PCSK6: variants seen among roughly 807,000 people sequenced by gnomAD.
PCSK6 encodes the protein paired basic amino acid cleaving enzyme 4.
A neutral mutation model predicts 123.3 loss-of-function variants in PCSK6; 85 were observed. The observed-to-expected ratio is 0.69, with a 90% CI of 0.58 to 0.83. The LOEUF is 0.83. Ranked by LOEUF, PCSK6 falls within the 40% of genes least tolerant of loss-of-function variation. The probability of loss-of-function intolerance (pLI) is 0.00; values close to 1 mark genes in which losing one functional copy is unlikely to be tolerated. For missense variants in PCSK6, 1,191 were observed against 1,282.3 expected (o/e 0.93, Z 1.09); for synonymous variants, 508 against 516.0 (o/e 0.98, Z 0.21).
At chr15:101,370,836 A>T (rs2041563413) in intron 11 of PCSK6, among the ~76,000 whole-genome samples, 1 of 152,234 alleles carries the variant, frequency 6.6e-6, no homozygotes, top group South Asian at 2.1e-4. Context: ...CCACCGCTCC[A>T]ACTTGCCTAC....
chr15:101,404,819 G>A (rs917763844), intron 6 of PCSK6, among the ~76,000 whole-genome samples: 1 of 152,128 alleles, frequency 6.6e-6, no homozygotes, highest in Non-Finnish European at 1.5e-5. Flanking sequence ...GGCCACCCGG[G>A]GGTCAAGACC....
At chr15:101,478,676 C>T (rs140646606) in intron 1 of PCSK6, among the ~76,000 whole-genome samples, 1 of 152,194 alleles carries the variant, frequency 6.6e-6, no homozygotes, top group Non-Finnish European at 1.5e-5. Context: ...GGAGTAGCCA[C>T]GTGGCACAGA....
intron 19 of PCSK6, 82 bp from the exon 20 acceptor site, chr15:101,313,587 G>T: frequency 6.6e-7 from 1 of 1,518,100 alleles, no homozygotes; most frequent in South Asian, 1.3e-5. Context: ...GGCCTTGTGA[G>T]ATCAGGGGTA....
In PCSK6 at chr15:101,403,264, A is replaced by C. The variant is rs375361514; in HGVS notation, c.824-4688T>G. Among the ~76,000 whole-genome samples the C allele has an allele frequency of 2.2e-3, 230 of 106,406 alleles. 1 individual carries two copies. The highest frequency in any genetic ancestry group is 6.8e-3 in the Middle Eastern group (1 of 148). 69.8% of individuals were successfully genotyped at this position (106,406 alleles called of 152,430 possible). Reference sequence around the variant, plus strand: ...GGAAGGGGAACATCACACTCTGGGGACTGTTGTGGGGTGGGGGGAGGGGGG... The same window carrying C: ...GGAAGGGGAACATCACACTCTGGGGCCTGTTGTGGGGTGGGGGGAGGGGGG... On this transcript the variant is annotated intron_variant, in intron 6 of 21. Transcript: ENST00000611716.
intron 6 of PCSK6, among the ~76,000 whole-genome samples, chr15:101,412,183 G>C (rs1413578029): frequency 6.6e-6 from 1 of 152,214 alleles, no homozygotes; most frequent in Non-Finnish European, 1.5e-5. Context: ...TGCAGCAACA[G>C]GGCCAGAGAA....
In PCSK6 at chr15:101,305,248, C is replaced by G. The variant is rs373915082; in HGVS notation, c.*10G>C. 3 of 1,604,498 alleles carry G rather than the reference C, an allele frequency of 1.9e-6. No homozygotes were observed. In the African/African-American group the frequency reaches 4.0e-5, roughly 21 times the overall value. On this transcript the variant is annotated 3_prime_UTR_variant, in exon 22 of 22. Coordinates refer to ENST00000611716, the MANE Select transcript of PCSK6 (RefSeq NM_002570.5). This position sits in a 1 kb window ranked among gnomAD's most constrained non-coding sequence, Gnocchi z 4.8. Reference sequence around the variant, plus strand: ...GGGAGTGCCTGCCCTCTGTGGGCAGCTAGGCACCCTTACCCGGCCAGGAGG... The same window carrying G: ...GGGAGTGCCTGCCCTCTGTGGGCAGGTAGGCACCCTTACCCGGCCAGGAGG...
intron 1 of PCSK6, among the ~76,000 whole-genome samples, chr15:101,485,093 T>C (rs1301563623): frequency 6.6e-6 from 1 of 152,208 alleles, no homozygotes; most frequent in African/African-American, 2.4e-5. Flanking sequence ...TGCCAGCACG[T>C]GATGCTAACA....
At chr15:101,456,281 G>A (rs1323073494) in intron 1 of PCSK6, among the ~76,000 whole-genome samples, 4 of 152,172 alleles carry the variant, frequency 2.6e-5, no homozygotes, top group African/African-American at 9.6e-5. Flanking sequence ...GGGACTTGGT[G>A]AAGACCCACC....
At chr15:101,409,584 CAAAAA>C (rs10666147) in intron 6 of PCSK6, among the ~76,000 whole-genome samples, 1 of 121,828 alleles carries the variant, frequency 8.2e-6, no homozygotes, top group Non-Finnish European at 1.7e-5. Flanking sequence ...GACTCCGTCT[CAAAAA>C]AAAAAAAAAA....
chr15:101,437,312 C>T (rs935884300), intron 2 of PCSK6, among the ~76,000 whole-genome samples: 3 of 152,224 alleles, frequency 2.0e-5, no homozygotes, highest in African/African-American at 7.2e-5. Context: ...GATGCCCAGG[C>T]CCACCTCCGG....
intron 1 of PCSK6, among the ~76,000 whole-genome samples, chr15:101,477,313 C>T (rs1414854180): frequency 6.6e-6 from 1 of 152,130 alleles, no homozygotes; most frequent in African/African-American, 2.4e-5. Flanking sequence ...TATCCCTAAC[C>T]TGAAAATCTA....
chr15:101,450,420 G>A (rs1460279160), intron 1 of PCSK6, among the ~76,000 whole-genome samples: 2 of 151,938 alleles, frequency 1.3e-5, no homozygotes, highest in African/African-American at 4.8e-5. Flanking sequence ...CCATCCCCTC[G>A]GCTGTCACTG....
intron 17 of PCSK6, 122 bp downstream of exon 17, chr15:101,324,728 T>C (rs958812593): frequency 1.2e-6 from 1 of 817,450 alleles, no homozygotes; most frequent in African/African-American, 1.7e-5. Context: ...TTCAAAGTCC[T>C]TACTCAGAAC....
At chr15:101,428,991 C>T (rs1017189379) in intron 5 of PCSK6, among the ~76,000 whole-genome samples, 30 of 152,122 alleles carry the variant, frequency 2.0e-4, no homozygotes, top group African/African-American at 2.7e-4. Context: ...GCTGCAGGCT[C>T]GCGGGAGCTC....
intron 6 of PCSK6, among the ~76,000 whole-genome samples, chr15:101,414,603 A>G (rs1451689441): frequency 2.0e-5 from 3 of 152,192 alleles, no homozygotes; most frequent in African/African-American, 7.2e-5. Context: ...CTGTAGAGAA[A>G]CATAAGTCCC....
intron 1 of PCSK6, among the ~76,000 whole-genome samples, chr15:101,449,816 A>C (rs184685082): frequency 8.0e-4 from 121 of 152,182 alleles, no homozygotes; most frequent in African/African-American, 2.8e-3. Context: ...ATTTCCTGCC[A>C]ACCAATCCTG....
In PCSK6 at chr15:101,381,133, G is replaced by A. The variant is rs567334337; in HGVS notation, c.1532+959C>T. On this transcript the variant is annotated intron_variant, in intron 11 of 21. Coordinates refer to ENST00000611716, the MANE Select transcript of PCSK6 (RefSeq NM_002570.5). ...TCCAAGCACTTTGGGAGGCCAAGGC[G>A]GGTGGATCACCTGAGGTCAAGAGTT... Among the ~76,000 whole-genome samples, 338 of 152,140 alleles carry A rather than the reference G, an allele frequency of 2.2e-3. 1 individual carries two copies. Among genetic ancestry groups the A allele is most frequent in the African/African-American group, 7.5e-3 (313 of 41,498 alleles).
intron 19 of PCSK6, 147 bp downstream of exon 19, chr15:101,318,172 A>T: frequency 1.6e-6 from 1 of 622,522 alleles, no homozygotes; most frequent in Non-Finnish European, 2.9e-6. Context: ...AGTCCCTGGT[A>T]GGGCCTTTGT....
intron 13 of PCSK6, among the ~76,000 whole-genome samples, chr15:101,348,544 A>G (rs1297240602): frequency 1.3e-5 from 2 of 152,194 alleles, no homozygotes; most frequent in Non-Finnish European, 2.9e-5. Flanking sequence ...TGTAACTGAC[A>G]TGTGTAATTG....
Sources: allele counts gnomAD v4.1 joint callset (sites outside exome capture counted in the v4.1 genomes callset), GRCh38; gene constraint gnomAD v4.1.1; non-coding constraint Gnocchi (gnomAD v3.1); transcripts MANE v1.5; gene names NCBI Gene and HGNC (gene_info 2026-07-23, HGNC 2026-07-21).